The following EYS variants were observed in gnomAD, a reference collection of about 807,000 sequenced individuals.
EYS encodes the protein EGF-like photoreceptor maintenance factor, also known as protein eyes shut homolog.
EYS carries 250 observed loss-of-function variants against 282.1 expected under a neutral mutation model. The observed-to-expected ratio is 0.89, with a 90% CI of 0.80 to 0.98. The LOEUF is 0.98. Ranked by LOEUF, EYS falls within the 50% of genes least tolerant of loss-of-function variation. The pLI is 0.00. For missense variants in EYS, 4,016 were observed against 3,709.0 expected (o/e 1.08, Z -2.15); for synonymous variants, 1,355 against 1,282.9 (o/e 1.06, Z -1.20).
At chr6:64,458,873 C>G (rs1473139570) in intron 26 of EYS, among the ~76,000 whole-genome samples, 2 of 152,072 alleles carry the variant, frequency 1.3e-5, no homozygotes, top group African/African-American at 4.8e-5. Context: ...CTTCATTCAT[C>G]AAGGCACATA....
intron 12 of EYS, among the ~76,000 whole-genome samples, chr6:65,267,792 A>G (rs1767797811): frequency 6.6e-6 from 1 of 151,940 alleles, no homozygotes; most frequent in South Asian, 2.1e-4. Context: ...CAAACAAGCA[A>G]ATGGAAATCT....
intron 12 of EYS, among the ~76,000 whole-genome samples, chr6:65,292,652 A>G (rs1344527516): frequency 1.3e-5 from 2 of 151,786 alleles, no homozygotes; most frequent in Non-Finnish European, 2.9e-5. Context: ...GGAATATAGT[A>G]CAACAGTGAA....
intron 41 of EYS, among the ~76,000 whole-genome samples, chr6:63,749,376 A>G (rs1166889872): frequency 1.3e-5 from 2 of 152,054 alleles, no homozygotes; most frequent in African/African-American, 4.8e-5. Context: ...GTTCTTTTGC[A>G]TTTGCTGAGG....
chr6:64,591,065 C>T lies in EYS; in HGVS notation c.4802G>A (p.Gly1601Glu). 6.4e-7 allele frequency: 1 copy of T among 1,551,258 alleles called. No individual in the cohort carries two copies. Among genetic ancestry groups the T allele is most frequent in the Middle Eastern group, 1.7e-4 (1 of 5,992 alleles). ...ATGCCCAGAAGTGATAGTTTGAGCT[C>T]CCATTAGTGCATACCAGCTGGCTAA... Reference protein sequence around the residue: ...AILASWYALMGAQTITSGHSF... With the variant: ...AILASWYALMEAQTITSGHSF... Residue 1601 changes from glycine (G) to glutamate (E), a missense_variant, in exon 26 of 43, where the codon GGA becomes GAA. Gly to Glu is a moderately conservative substitution (Grantham distance 98). Coordinates refer to ENST00000503581, the MANE Select transcript of EYS (RefSeq NM_001142800.2).
chr6:65,375,417 C>T (rs892673340), intron 8 of EYS, among the ~76,000 whole-genome samples: 1 of 152,094 alleles, frequency 6.6e-6, no homozygotes, highest in African/African-American at 2.4e-5. Flanking sequence ...TAGATAAATC[C>T]ATGGAGATGA....
chr6:64,749,221 T>C (rs536018289), intron 22 of EYS, among the ~76,000 whole-genome samples: 8 of 152,368 alleles, frequency 5.3e-5, no homozygotes, highest in Non-Finnish European at 7.3e-5. Flanking sequence ...AAATGAGATA[T>C]ACAATTACAT....
At chr6:64,330,480 C>T (rs594828) in intron 29 of EYS, among the ~76,000 whole-genome samples, 109,126 of 152,088 alleles carry the variant, frequency 0.72, 39,351 homozygotes, top group African/African-American at 0.79. Flanking sequence ...TCAAGAAGGC[C>T]TTGATCCAGG....
intron 19 of EYS, among the ~76,000 whole-genome samples, chr6:64,858,103 G>A (rs1766123083): frequency 6.6e-6 from 1 of 151,920 alleles, no homozygotes; most frequent in Admixed American, 6.6e-5. Flanking sequence ...TTAGTTTGAT[G>A]CTATCTCATT....
chr6:63,964,240 A>G (rs1766203622), intron 35 of EYS, among the ~76,000 whole-genome samples: 2 of 152,244 alleles, frequency 1.3e-5, no homozygotes, highest in Non-Finnish European at 2.9e-5. Context: ...AGAGTATTGT[A>G]TAAGTCAGCA....
At position 63,864,240 on chromosome 6, in the gene EYS, T is replaced by G; in HGVS notation, c.7174A>C (p.Thr2392Pro). 2.6e-6 allele frequency: 4 copies of G among 1,551,040 alleles called. No homozygotes were observed. Among genetic ancestry groups the G allele is most frequent in the Non-Finnish European group, 3.5e-6 (4 of 1,146,602 alleles). ...NGATCVPKSG[T>P]DIVCLCPYGR... ...TATGGGCAGAGGCAGACAATATCTG[T>G]TCCGGATTTTGGAACACAGGTGGCA... The change falls in exon 36 of 43, where the codon ACA becomes CCA. Residue 2392 changes from threonine to proline, a missense_variant. Physicochemically the swap from Thr to Pro is conservative, Grantham distance 38. Transcript: ENST00000503581.
At chr6:64,907,286 G>A (rs1478745721) in intron 16 of EYS, among the ~76,000 whole-genome samples, 1 of 152,072 alleles carries the variant, frequency 6.6e-6, no homozygotes, top group Non-Finnish European at 1.5e-5. Context: ...TTGGCCTCAA[G>A]CAATCCTCCT....
intron 31 of EYS, among the ~76,000 whole-genome samples, chr6:64,103,236 GC>G (rs1476163922): frequency 6.6e-6 from 1 of 152,066 alleles, no homozygotes; most frequent in Non-Finnish European, 1.5e-5. Flanking sequence ...TAACTTACCA[GC>G]AAAAGAAAAA....
intron 2 of EYS, among the ~76,000 whole-genome samples, chr6:65,519,597 AGTTAATTTTTATG>A (rs1242071114): frequency 6.9e-6 from 1 of 145,956 alleles, no homozygotes; most frequent in Non-Finnish European, 1.5e-5. Flanking sequence ...GAAATATCAC[AGTTAATTTTTATG>A]GTCTCTATTA....
intron 28 of EYS, among the ~76,000 whole-genome samples, chr6:64,403,347 A>T (rs1773598439): frequency 6.6e-6 from 1 of 151,830 alleles, no homozygotes; most frequent in Admixed American, 6.6e-5. Flanking sequence ...TTAAAAGGAT[A>T]AAAAAAACAA....
intron 26 of EYS, among the ~76,000 whole-genome samples, chr6:64,457,933 T>TTG (rs1775608030): frequency 6.6e-6 from 1 of 151,910 alleles, no homozygotes; most frequent in East Asian, 1.9e-4. Flanking sequence ...TTTATTTTGT[T>TTG]TGTGTGTGTG....
At chr6:64,933,890 C>T (rs1431531736) in intron 15 of EYS, among the ~76,000 whole-genome samples, 4 of 151,940 alleles carry the variant, frequency 2.6e-5, no homozygotes, top group Admixed American at 1.3e-4. Flanking sequence ...GAACAGAAAA[C>T]CAAACACTGC....
In EYS at chr6:65,353,445, A is replaced by T; in HGVS notation, c.1459+13T>A. ...ATTCAAGCAGATTGAAAAAAATTAC[A>T]TAAATTTGTTACCTGCAAATCCCAA... On this transcript the variant is annotated intron_variant, in intron 9 of 42. Transcript: ENST00000503581. 6.2e-7 allele frequency: 1 copy of T among 1,612,210 alleles called. No individual in the cohort carries two copies. Among genetic ancestry groups the T allele is most frequent in the Non-Finnish European group, 8.5e-7 (1 of 1,178,724 alleles).
intron 13 of EYS, among the ~76,000 whole-genome samples, chr6:65,044,403 T>G (rs1389247323): frequency 1.3e-5 from 2 of 151,958 alleles, no homozygotes; most frequent in Non-Finnish European, 2.9e-5. Flanking sequence ...ATTTGTCTAA[T>G]TTTGCCTTTG....
At chr6:64,774,804 ACT>A (rs966971989) in intron 22 of EYS, among the ~76,000 whole-genome samples, 1 of 150,744 alleles carries the variant, frequency 6.6e-6, no homozygotes, top group African/African-American at 2.4e-5. Context: ...TTTCCCTGTA[ACT>A]CTCTCCTTTC....
Sources: gnomAD v4.1 joint callset for allele counts (sites outside exome capture counted in the v4.1 genomes callset) on GRCh38, gnomAD v4.1.1 for gene constraint, MANE v1.5 for transcripts, NCBI Gene and HGNC (gene_info 2026-07-23, HGNC 2026-07-21) for gene names.